SEMA3E: variants seen among roughly 807,000 people sequenced by gnomAD.
The protein encoded by SEMA3E is semaphorin 3E.
Under a neutral mutation model 93.6 loss-of-function variants are expected in SEMA3E, and 49 were observed. The observed-to-expected ratio is 0.52, with a 90% CI of 0.42 to 0.66. The LOEUF (loss-of-function observed/expected upper bound fraction) is 0.66, where lower values mean the gene tolerates loss of function less well. Ranked by LOEUF, SEMA3E falls within the 30% of genes least tolerant of loss-of-function variation. The pLI is 0.00. For missense variants in SEMA3E, 906 were observed against 964.8 expected (o/e 0.94, Z 0.81); for synonymous variants, 363 against 330.7 (o/e 1.10, Z -1.06).
intron 16 of SEMA3E, chr7:83,372,553 T>TA (rs908098717): frequency 3.1e-4 from 93 of 304,548 alleles, no homozygotes; most frequent in Admixed American, 2.5e-3. Context: ...AAGCAGGGTT[T>TA]AAAAAAAATC....
chr7:83,464,101 G>T (rs1023482442), intron 4 of SEMA3E, among the ~76,000 whole-genome samples: 7 of 152,008 alleles, frequency 4.6e-5, no homozygotes, highest in African/African-American at 7.2e-5. Context: ...CAGCCAAGCA[G>T]TTTTTCAGGC....
chr7:83,466,071 T>G (rs1457994640), intron 4 of SEMA3E, among the ~76,000 whole-genome samples: 1 of 152,192 alleles, frequency 6.6e-6, no homozygotes, highest in Non-Finnish European at 1.5e-5. Context: ...AATCAAAAAG[T>G]CTTTGCATGT....
intron 1 of SEMA3E, among the ~76,000 whole-genome samples, chr7:83,638,834 G>A (rs932890884): frequency 4.6e-5 from 7 of 152,010 alleles, no homozygotes; most frequent in Non-Finnish European, 7.4e-5. Flanking sequence ...ATTCCTGGCC[G>A]GGCGCGGTGG....
chr7:83,608,906 T>C (rs890426247), intron 1 of SEMA3E, among the ~76,000 whole-genome samples: 2 of 152,282 alleles, frequency 1.3e-5, no homozygotes, highest in Admixed American at 1.3e-4. Context: ...GACTGTGGTA[T>C]AACTTGCAGC....
In SEMA3E at chr7:83,593,341, AG is replaced by A. The variant is rs560621734; in HGVS notation, c.115+55086del. 4.2e-3 allele frequency among the ~76,000 whole-genome samples: 447 copies of A among 105,452 alleles called. 9 individuals are homozygous for A. Among genetic ancestry groups the A allele is most frequent in the African/African-American group, 0.014 (420 of 30,006 alleles). The allele number at this position is 105,452 out of a possible 152,430, so 69.2% of individuals were successfully genotyped here. On this transcript the variant is annotated intron_variant, in intron 1 of 16. Coordinates refer to ENST00000643230, the MANE Select transcript of SEMA3E (RefSeq NM_012431.3). ...GTGTGTGTGTGTGTGTGTGTTGGGG[AG>A]GGGGAAAGAGTTTTGGAGTTGAGAT...
At chr7:83,396,856 A>C in intron 11 of SEMA3E, 127 bp from the exon 12 acceptor site, 3 of 653,536 alleles carry the variant, frequency 4.6e-6, no homozygotes, top group Non-Finnish European at 8.3e-6. Context: ...AGATGGGTGT[A>C]TCTCTTGAGG....
intron 1 of SEMA3E, among the ~76,000 whole-genome samples, chr7:83,539,862 T>TGTGTGTGTGC (rs1310931763): frequency 2.5e-4 from 34 of 134,144 alleles, no homozygotes; most frequent in South Asian, 5.5e-4. Flanking sequence ...TTTCTGTGTG[T>TGTGTGTGTGC]GTGTGTGTGT....
At chr7:83,469,379 C>CAA in intron 2 of SEMA3E, 77 bp from the exon 3 acceptor site, 1 of 983,684 alleles carries the variant, frequency 1.0e-6, no homozygotes, top group Non-Finnish European at 1.6e-6. Context: ...TCACTTTCTT[C>CAA]TACAGTTCAA....
At chr7:83,396,615 T>C (rs1209769945) in intron 12 of SEMA3E, 23 bp downstream of exon 12, 1 of 1,406,372 alleles carries the variant, frequency 7.1e-7, no homozygotes, top group Non-Finnish European at 1.0e-6. Context: ...ATAAATTTGG[T>C]CTGTATTTTT....
At chr7:83,592,487 T>C (rs1467064060) in intron 1 of SEMA3E, among the ~76,000 whole-genome samples, 2 of 152,056 alleles carry the variant, frequency 1.3e-5, no homozygotes, top group Non-Finnish European at 2.9e-5. Context: ...CCTCTACCAA[T>C]GGCCATTACT....
intron 1 of SEMA3E, among the ~76,000 whole-genome samples, chr7:83,507,254 GA>G (rs751274430): frequency 3.3e-5 from 5 of 152,094 alleles, no homozygotes; most frequent in Admixed American, 6.6e-5. Context: ...TTGAGAACAG[GA>G]GGTCAATTTT....
rs144512896 is a variant in SEMA3E, at chr7:83,544,138, C to A, written c.116-53864G>T. ...TTGGAAATAGGCACCTGTATCATTG[C>A]CCAGTAGAAAATAACTAACTATTTG... On this transcript the variant is annotated intron_variant, in intron 1 of 16. Coordinates refer to ENST00000643230, the MANE Select transcript of SEMA3E (RefSeq NM_012431.3). 7.1e-3 allele frequency among the ~76,000 whole-genome samples: 1,084 copies of A among 152,108 alleles called. 10 individuals are homozygous for A. The highest frequency in any genetic ancestry group is 0.024 in the African/African-American group (1,011 of 41,526).
intron 1 of SEMA3E, among the ~76,000 whole-genome samples, chr7:83,499,669 G>T (rs1368588316): frequency 6.6e-6 from 1 of 152,102 alleles, no homozygotes; most frequent in Non-Finnish European, 1.5e-5. Flanking sequence ...ATGTTGGAAA[G>T]ATATTTTAAA....
At position 83,487,284 on chromosome 7, in the gene SEMA3E, C is replaced by T. The variant is rs571241053; in HGVS notation, c.276+2830G>A. 1.5e-3 allele frequency among the ~76,000 whole-genome samples: 226 copies of T among 152,212 alleles called. 1 individual carries two copies. The highest frequency in any genetic ancestry group is 4.9e-3 in the African/African-American group (202 of 41,536). On this transcript the variant is annotated intron_variant, in intron 2 of 16. Coordinates refer to ENST00000643230, the MANE Select transcript of SEMA3E (RefSeq NM_012431.3). ...GAAAATTGTTATTAAATTTTGTGTA[C>T]ATGAGTCACCTATTTGTTATAAACG...
At chr7:83,448,474 T>C (rs906490118) in intron 4 of SEMA3E, among the ~76,000 whole-genome samples, 1 of 152,116 alleles carries the variant, frequency 6.6e-6, no homozygotes, top group Admixed American at 6.5e-5. Context: ...ATTTTGCCAC[T>C]ATATTGAAGT....
chr7:83,473,753 A>C (rs1789950633), intron 2 of SEMA3E, among the ~76,000 whole-genome samples: 1 of 152,082 alleles, frequency 6.6e-6, no homozygotes, highest in Non-Finnish European at 1.5e-5. Context: ...TAGGTATTTT[A>C]GTTTCTAAAA....
intron 4 of SEMA3E, among the ~76,000 whole-genome samples, chr7:83,440,710 G>T (rs1584250592): frequency 6.6e-6 from 1 of 151,776 alleles, no homozygotes; most frequent in South Asian, 2.1e-4. Flanking sequence ...CTACTCAGGA[G>T]GCTGAGGCTT....
At chr7:83,511,285 G>GTTTTTTT (rs5885362) in intron 1 of SEMA3E, among the ~76,000 whole-genome samples, 2 of 143,880 alleles carry the variant, frequency 1.4e-5, no homozygotes, top group Non-Finnish European at 1.5e-5. Flanking sequence ...TCTTAAATAT[G>GTTTTTTT]TTTTTTTTTT....
At chr7:83,391,688 C>CTA (rs1272656493) in intron 14 of SEMA3E, among the ~76,000 whole-genome samples, 4 of 151,774 alleles carry the variant, frequency 2.6e-5, no homozygotes, top group African/African-American at 9.7e-5. Flanking sequence ...TGAGATTCTG[C>CTA]TATATATTTG....
Sources: gnomAD v4.1 joint callset for allele counts (sites outside exome capture counted in the v4.1 genomes callset) on GRCh38, gnomAD v4.1.1 for gene constraint, MANE v1.5 for transcripts, NCBI Gene and HGNC (gene_info 2026-07-23, HGNC 2026-07-21) for gene names.